Variants in OPHN1 observed in about 807,000 individuals in gnomAD.
OPHN1 encodes the protein oligophrenin-1.
Under a neutral mutation model 60.7 loss-of-function variants are expected in OPHN1, and 11 were observed. The observed-to-expected ratio is 0.18, with a 90% confidence interval of 0.11 to 0.30. The LOEUF is 0.30. Among genes scored for constraint, OPHN1 ranks in the 10% least tolerant of loss-of-function variants. The pLI, the probability that OPHN1 is intolerant of heterozygous loss-of-function variation, is 1.00. For synonymous variants in OPHN1, 226 were observed against 222.6 expected (o/e 1.02, Z -0.14); for missense variants, 449 against 611.0 (o/e 0.73, Z 2.80).
At chrX:68,429,257 T>C (rs938698715) in intron 2 of OPHN1, among the ~76,000 whole-genome samples, 4 of 110,375 alleles carry the variant, frequency 3.6e-5, no homozygotes, top group Admixed American at 9.7e-5. Context: ...ACCCCGTCTC[T>C]ACTAAAAAAA....
intron 18 of OPHN1, among the ~76,000 whole-genome samples, chrX:68,106,104 A>AAG (rs35438846): frequency 0.2 from 18,950 of 96,257 alleles, 2,509 homozygotes; most frequent in East Asian, 0.4. Context: ...AGAGAGAGAG[A>AAG]AGAGAGAGAG....
intron 2 of OPHN1, among the ~76,000 whole-genome samples, chrX:68,301,951 C>G (rs1220213781): frequency 8.9e-6 from 1 of 112,448 alleles, no homozygotes; most frequent in East Asian, 2.8e-4. Context: ...CATCACAATA[C>G]TTTTCGAGAG....
At chrX:68,257,524 A>C (rs936998801) in intron 5 of OPHN1, among the ~76,000 whole-genome samples, 3 of 111,445 alleles carry the variant, frequency 2.7e-5, no homozygotes, top group African/African-American at 9.8e-5. Flanking sequence ...AAATCTTCAC[A>C]GGGTACTGTA....
At position 68,046,041 on chromosome X, in the gene OPHN1, A is replaced by G. The variant is rs994692494; in HGVS notation, c.*1131T>C. 1.8e-5 allele frequency: 2 copies of G among 108,580 alleles called. No individual in the cohort carries two copies. Among genetic ancestry groups the G allele is most frequent in the African/African-American group, 6.8e-5 (2 of 29,553 alleles). The allele number at this position is 108,580 out of a possible 1,213,427, so 8.9% of individuals were successfully genotyped here. ...TCAAGGGCTTATATGGATTGTAAAA[A>G]GAGTATTTTACTCAAGTGCTGTGGT... On this transcript the variant is annotated 3_prime_UTR_variant, in exon 25 of 25. Coordinates refer to ENST00000355520, the MANE Select transcript of OPHN1 (RefSeq NM_002547.3).
intron 6 of OPHN1, among the ~76,000 whole-genome samples, chrX:68,220,266 A>C (rs1237411588): frequency 9.4e-6 from 1 of 106,779 alleles, no homozygotes; most frequent in Non-Finnish European, 1.9e-5. Context: ...CAATAACAGG[A>C]GCTGAAATTG....
intron 15 of OPHN1, among the ~76,000 whole-genome samples, chrX:68,153,056 C>T (rs1358015346): frequency 1.9e-5 from 2 of 107,912 alleles, no homozygotes; most frequent in Non-Finnish European, 3.8e-5. Flanking sequence ...ACTAAAAATA[C>T]AAAAACCAGC....
intron 20 of OPHN1, chrX:68,070,864 G>A (rs1023632451): frequency 2.7e-5 from 32 of 1,174,446 alleles, no homozygotes; most frequent in Non-Finnish European, 3.6e-5. Context: ...TATGCCAGAA[G>A]CCACAGTGGC....
chrX:68,197,827 T>C (rs2077519153), intron 11 of OPHN1, among the ~76,000 whole-genome samples: 1 of 111,775 alleles, frequency 8.9e-6, no homozygotes, highest in Non-Finnish European at 1.9e-5. Context: ...ATTTACTGAA[T>C]GCTTACTAGG....
At chrX:68,354,398 C>G (rs1251438304) in intron 2 of OPHN1, among the ~76,000 whole-genome samples, 2 of 92,526 alleles carry the variant, frequency 2.2e-5, no homozygotes, top group African/African-American at 8.3e-5. Context: ...TGCAGTGAGC[C>G]GAGATCACAC....
chrX:68,050,626 T>C (rs2076847988), intron 23 of OPHN1, among the ~76,000 whole-genome samples: 1 of 112,376 alleles, frequency 8.9e-6, no homozygotes, highest in Non-Finnish European at 1.9e-5. Context: ...CTGTCCAAGC[T>C]TGCAGATCAA....
chrX:68,412,649 T>C (rs2078774817), intron 2 of OPHN1, among the ~76,000 whole-genome samples: 2 of 112,123 alleles, frequency 1.8e-5, no homozygotes, highest in Non-Finnish European at 3.8e-5. Flanking sequence ...TTATGTTATG[T>C]ATATTTTATC....
intron 15 of OPHN1, among the ~76,000 whole-genome samples, chrX:68,136,754 G>C (rs1167357276): frequency 2.7e-5 from 3 of 111,956 alleles, no homozygotes; most frequent in Non-Finnish European, 5.6e-5. Context: ...AATTTACAAA[G>C]TGCTTATTAT....
chrX:68,123,885 T>C (rs1240984898), intron 15 of OPHN1, among the ~76,000 whole-genome samples: 1 of 111,076 alleles, frequency 9.0e-6, no homozygotes, highest in Non-Finnish European at 1.9e-5. Flanking sequence ...AATCATTACT[T>C]ATCAATAATA....
At chrX:68,112,251 G>A in intron 17 of OPHN1, 1 of 215,942 alleles carries the variant, frequency 4.6e-6, no homozygotes, top group Non-Finnish European at 8.3e-6. Context: ...CAGAAAAAGA[G>A]AAAAAAAACA....
chrX:68,287,068 AAAGG>A (rs199811542), intron 3 of OPHN1, among the ~76,000 whole-genome samples: 1,027 of 102,614 alleles, frequency 0.01, 16 homozygotes, highest in African/African-American at 0.034. Context: ...AGAAAGGAAG[AAAGG>A]AAGGAAGGAA....
intron 2 of OPHN1, among the ~76,000 whole-genome samples, chrX:68,382,739 T>A: frequency 8.9e-6 from 1 of 111,758 alleles, no homozygotes; most frequent in Non-Finnish European, 1.9e-5. Flanking sequence ...AAACATTGAA[T>A]GAGACACTAT....
intron 15 of OPHN1, among the ~76,000 whole-genome samples, chrX:68,184,215 G>A (rs1435671525): frequency 1.8e-5 from 2 of 111,897 alleles, no homozygotes; most frequent in Admixed American, 9.4e-5. Context: ...AAAAATAAAA[G>A]GCAATGAGTC....
At chrX:68,236,943 T>C (rs551870113) in intron 5 of OPHN1, among the ~76,000 whole-genome samples, 7 of 112,483 alleles carry the variant, frequency 6.2e-5, no homozygotes, top group Admixed American at 3.8e-4. Context: ...TATCTTTATG[T>C]CAGCACCACA....
chrX:68,153,729 T>C (rs1444711376), intron 15 of OPHN1, among the ~76,000 whole-genome samples: 1 of 111,498 alleles, frequency 9.0e-6, no homozygotes, highest in East Asian at 2.8e-4. Context: ...TTTTCCCTTA[T>C]GATTTGGCTA....
Sources: allele counts gnomAD v4.1 joint callset (sites outside exome capture counted in the v4.1 genomes callset), GRCh38; gene constraint gnomAD v4.1.1; transcripts MANE v1.5; gene names NCBI Gene and HGNC (gene_info 2026-07-23, HGNC 2026-07-21).